DCC: variants seen among roughly 807,000 people sequenced by gnomAD.
DCC encodes netrin receptor DCC.
In DCC, 58 loss-of-function variants were observed where a neutral mutation model predicts 172.5. The ratio of observed to expected loss-of-function variants is 0.34; its 90% CI spans 0.27 to 0.42. The LOEUF is 0.42. Among genes scored for constraint, DCC ranks in the 10% least tolerant of loss-of-function variants. The probability of loss-of-function intolerance (pLI) is 1.00; values close to 1 mark genes in which losing one functional copy is unlikely to be tolerated. For missense variants in DCC, 1,740 were observed against 1,791.0 expected (o/e 0.97, Z 0.51); for synonymous variants, 709 against 644.5 (o/e 1.10, Z -1.52).
intron 1 of DCC, among the ~76,000 whole-genome samples, chr18:52,560,349 C>T (rs932335791): frequency 3.3e-5 from 5 of 152,152 alleles, no homozygotes; most frequent in African/African-American, 4.8e-5. Context: ...TTGTTCTTTC[C>T]GTTTATTCAA....
chr18:53,464,078 T>C (rs1346307512), intron 24 of DCC, among the ~76,000 whole-genome samples: 2 of 152,244 alleles, frequency 1.3e-5, no homozygotes, highest in African/African-American at 4.8e-5. Context: ...TGCTTCATGA[T>C]ACATCTCTTC....
At chr18:52,395,969 T>C (rs539209900) in intron 1 of DCC, among the ~76,000 whole-genome samples, 5 of 152,114 alleles carry the variant, frequency 3.3e-5, no homozygotes, top group Admixed American at 3.3e-4. Flanking sequence ...GGATATACCT[T>C]TAGATAGAAA....
chr18:53,531,766 G>C lies in DCC; in HGVS notation c.*1113G>C, dbSNP rs1196426369. On this transcript the variant is annotated 3_prime_UTR_variant, in exon 29 of 29. Transcript: ENST00000442544. ...AAAGAATGCCAACTCTGCCTACAGG[G>C]TCAGTGTTGGCAAGCATTGGCCACC... 6.6e-6 allele frequency: 1 copy of C among 152,184 alleles called. No homozygotes were observed. Among genetic ancestry groups the C allele is most frequent in the Non-Finnish European group, 1.5e-5 (1 of 68,058 alleles). The allele number at this position is 152,184 out of a possible 1,614,324, so 9.4% of individuals were successfully genotyped here.
intron 25 of DCC, among the ~76,000 whole-genome samples, chr18:53,482,338 T>C (rs1284677350): frequency 6.6e-6 from 1 of 152,112 alleles, no homozygotes; most frequent in Non-Finnish European, 1.5e-5. Context: ...AGATTTATTA[T>C]TTTTGAAAGA....
At chr18:53,383,288 TTTTA>T (rs1299976511) in intron 15 of DCC, among the ~76,000 whole-genome samples, 1 of 152,068 alleles carries the variant, frequency 6.6e-6, no homozygotes, top group Non-Finnish European at 1.5e-5. Context: ...ACTGTTTTGT[TTTTA>T]TTTGTTAGCT....
At chr18:53,176,104 C>A (rs1441784806) in intron 8 of DCC, among the ~76,000 whole-genome samples, 11 of 142,002 alleles carry the variant, frequency 7.7e-5, no homozygotes, top group African/African-American at 2.7e-4. Flanking sequence ...ATAAATGGTG[C>A]TGGGAAAACT....
At chr18:52,510,166 A>T (rs2031383270) in intron 1 of DCC, among the ~76,000 whole-genome samples, 1 of 151,150 alleles carries the variant, frequency 6.6e-6, no homozygotes, top group Non-Finnish European at 1.5e-5. Flanking sequence ...CTTCTGACTT[A>T]GGGCCACTCC....
intron 17 of DCC, among the ~76,000 whole-genome samples, chr18:53,393,330 G>A (rs565126670): frequency 1.9e-4 from 29 of 152,240 alleles, no homozygotes; most frequent in African/African-American, 6.5e-4. Flanking sequence ...TTTAAAGACA[G>A]TTTTCTTTGG....
chr18:52,481,269 T>C (rs1430607753), intron 1 of DCC, among the ~76,000 whole-genome samples: 2 of 152,082 alleles, frequency 1.3e-5, no homozygotes, highest in African/African-American at 4.8e-5. Flanking sequence ...CGTGCCAGCC[T>C]GGCGCATGTG....
At chr18:53,318,188 T>A (rs1368261256) in intron 13 of DCC, among the ~76,000 whole-genome samples, 3 of 152,174 alleles carry the variant, frequency 2.0e-5, no homozygotes, top group Non-Finnish European at 4.4e-5. Context: ...GTGTCTTTGT[T>A]CTCATTGGTT....
At chr18:52,642,383 G>A (rs891777951) in intron 1 of DCC, among the ~76,000 whole-genome samples, 2 of 151,912 alleles carry the variant, frequency 1.3e-5, no homozygotes, top group African/African-American at 2.4e-5. Flanking sequence ...ATACTGCTCG[G>A]GTGATGGGTG....
chr18:52,914,802 A>C (rs1486334835), intron 3 of DCC, among the ~76,000 whole-genome samples: 1 of 152,104 alleles, frequency 6.6e-6, no homozygotes, highest in African/African-American at 2.4e-5. Context: ...ACAGTAGGTT[A>C]GCTTGAAATT....
At chr18:53,171,837 C>G (rs2055018358) in intron 8 of DCC, among the ~76,000 whole-genome samples, 1 of 149,672 alleles carries the variant, frequency 6.7e-6, no homozygotes. Flanking sequence ...CATTCCACAT[C>G]AGTCAGAATG....
chr18:52,425,696 T>TG (rs1987401179), intron 1 of DCC, among the ~76,000 whole-genome samples: 1 of 152,096 alleles, frequency 6.6e-6, no homozygotes, highest in African/African-American at 2.4e-5. Flanking sequence ...TTTTGGGACT[T>TG]GGAGGATTCT....
At chr18:52,373,759 G>C (rs1439327742) in intron 1 of DCC, among the ~76,000 whole-genome samples, 1 of 152,066 alleles carries the variant, frequency 6.6e-6, no homozygotes. Flanking sequence ...GGCTTTTGTA[G>C]CCTAAATGAT....
At chr18:52,361,131 A>G (rs1984600354) in intron 1 of DCC, among the ~76,000 whole-genome samples, 1 of 152,228 alleles carries the variant, frequency 6.6e-6, no homozygotes, top group African/African-American at 2.4e-5. Flanking sequence ...ACTTTAATAT[A>G]CATTTCTATC....
At chr18:53,404,412 A>G (rs1318174805) in intron 19 of DCC, among the ~76,000 whole-genome samples, 1 of 90,946 alleles carries the variant, frequency 1.1e-5, no homozygotes, top group African/African-American at 3.1e-5. Flanking sequence ...GAAAAAAAAA[A>G]AAATAGAAGT....
intron 5 of DCC, chr18:52,934,653 A>G (rs1242598037): frequency 6.6e-6 from 1 of 152,154 alleles, no homozygotes; most frequent in East Asian, 1.9e-4. Context: ...TCATATGTTG[A>G]AATCCTAACC....
intron 1 of DCC, among the ~76,000 whole-genome samples, chr18:52,571,635 C>A (rs2033294810): frequency 6.6e-6 from 1 of 152,122 alleles, no homozygotes; most frequent in African/African-American, 2.4e-5. Flanking sequence ...AGCGGTGCAC[C>A]CCTCATTACT....
Sources: gnomAD v4.1 joint callset for allele counts (sites outside exome capture counted in the v4.1 genomes callset) on GRCh38, gnomAD v4.1.1 for gene constraint, MANE v1.5 for transcripts, NCBI Gene and HGNC (gene_info 2026-07-23, HGNC 2026-07-21) for gene names.